The following ACO1 variants were observed in gnomAD, a reference collection of about 807,000 sequenced individuals.
ACO1 encodes aconitase 1, also known as cytoplasmic aconitate hydratase.
A neutral mutation model predicts 105.1 loss-of-function variants in ACO1; 78 were observed. That is an observed-to-expected ratio of 0.74 (90% CI 0.62 to 0.90). The LOEUF is 0.90. Among genes scored for constraint, ACO1 ranks in the 40% least tolerant of loss-of-function variants. The pLI, the probability that ACO1 is intolerant of heterozygous loss-of-function variation, is 0.00. For synonymous variants in ACO1, 364 were observed against 397.4 expected (o/e 0.92, Z 1.00); for missense variants, 965 against 1,111.1 (o/e 0.87, Z 1.87).
chr9:32,424,571 C>T lies in ACO1; in HGVS notation c.1094C>T (p.Thr365Ile). The T allele has an allele frequency of 1.2e-6, 2 of 1,613,286 alleles. No individual in the cohort carries two copies. Among genetic ancestry groups the T allele is most frequent in the African/African-American group, 2.7e-5 (2 of 74,952 alleles). The change falls in exon 10 of 21, where the codon ACA becomes ATA. Residue 365 changes from threonine to isoleucine, a missense_variant. Transcript: ENST00000309951. ...CAGGTTGTGGAATTAGATTTGAAAA[C>T]AGTAGTGCCTTGCTGTAGTGGACCC... ...FTQVVELDLKTVVPCCSGPKR... is the reference protein window; with the variant it reads ...FTQVVELDLKIVVPCCSGPKR...
Position 32,450,206 on chromosome 9 carries a change from G to A in ACO1, c.*95G>A, listed in dbSNP as rs1822730240. The stretch of plus-strand genomic sequence containing the variant: ...GGCCTCCCTGGCTGCCTCTGGGAGG[G>A]GTGCTGCCTTGTAGATGGAGCAAGT... On this transcript the variant is annotated 3_prime_UTR_variant, in exon 21 of 21. Transcript: ENST00000309951. 1 of 959,820 alleles carries A rather than the reference G, an allele frequency of 1.0e-6. No individual in the cohort carries two copies. The highest frequency in any genetic ancestry group is 1.6e-5 in the African/African-American group (1 of 62,300). The allele number at this position is 959,820 out of a possible 1,614,324, so 59.5% of individuals were successfully genotyped here. A position where few individuals can be genotyped will look rare whatever the true frequency, so the allele number is the denominator to read the frequency against.
chr9:32,450,151 AC>A lies in ACO1; in HGVS notation c.*42del. ...GTGCTGCGCCCAGGGAGGAAGCCGCACCACCAGCCAGCGCAGGCCCTGGTGG... is the reference window on the plus strand; with the variant it reads ...GTGCTGCGCCCAGGGAGGAAGCCGCACACCAGCCAGCGCAGGCCCTGGTGG... On this transcript the variant is annotated 3_prime_UTR_variant, in exon 21 of 21. Transcript: ENST00000309951. 1.3e-6 allele frequency: 2 copies of A among 1,536,764 alleles called. No individual in the cohort carries two copies. The highest frequency in any genetic ancestry group is 1.1e-5 in the South Asian group (1 of 89,414).
rs1822079214 is a variant in ACO1, at chr9:32,425,838, C to G, written c.1189C>G (p.Gln397Glu). The change falls in exon 11 of 21, where the codon CAA becomes GAA. Residue 397 changes from glutamine to glutamate, a missense_variant and splice_region_variant. By Grantham distance (29) the Gln-to-Glu change is conservative. Transcript: ENST00000309951. ...TAATATACATTTTTTCTTCCTTTAG[C>G]AAGGATTTAAAGGATTCCAAGTTGC... ...KDFESCLGAK[Q>E]GFKGFQVAPE... is the part of the protein sequence containing the mutation. The G allele has an allele frequency of 1.9e-6, 3 of 1,605,414 alleles. No homozygotes were observed. Among genetic ancestry groups the G allele is most frequent in the African/African-American group, 2.7e-5 (2 of 74,598 alleles).
At chr9:32,421,647 G>A (rs1056857555) in intron 8 of ACO1, among the ~76,000 whole-genome samples, 4 of 152,276 alleles carry the variant, frequency 2.6e-5, no homozygotes, top group Admixed American at 2.6e-4. Context: ...TCAGGAGTTC[G>A]AGACCAGCCT....
intron 19 of ACO1, among the ~76,000 whole-genome samples, chr9:32,442,002 A>AAAAC (rs1430639135): frequency 1.3e-5 from 2 of 152,116 alleles, no homozygotes; most frequent in Non-Finnish European, 2.9e-5. Context: ...ATCTATCCCT[A>AAAAC]AAACCCTAGA....
chr9:32,446,379 G>A (rs994153523), intron 19 of ACO1, among the ~76,000 whole-genome samples: 12 of 152,044 alleles, frequency 7.9e-5, no homozygotes, highest in Admixed American at 5.2e-4. Context: ...TTGGTTTAAA[G>A]TCTGTTTTAT....
At chr9:32,405,736 A>G in intron 2 of ACO1, 133 bp downstream of exon 2, 1 of 646,162 alleles carries the variant, frequency 1.5e-6, no homozygotes, top group Non-Finnish European at 2.7e-6. Context: ...TAAGTGCACA[A>G]GCACTCACAT....
chr9:32,408,151 A>G (rs933594528), intron 3 of ACO1, among the ~76,000 whole-genome samples: 5 of 152,210 alleles, frequency 3.3e-5, no homozygotes, highest in Non-Finnish European at 5.9e-5. Flanking sequence ...TGTGATCTGA[A>G]AGTCTTCTCC....
intron 19 of ACO1, among the ~76,000 whole-genome samples, chr9:32,442,677 T>C (rs941881908): frequency 2.0e-5 from 3 of 152,248 alleles, no homozygotes; most frequent in Non-Finnish European, 1.5e-5. Context: ...TTGAACTTTC[T>C]GTGCCTGCTG....
intron 1 of ACO1, among the ~76,000 whole-genome samples, chr9:32,396,015 T>C (rs1470069967): frequency 6.6e-6 from 1 of 152,226 alleles, no homozygotes; most frequent in Non-Finnish European, 1.5e-5. Context: ...TGCTATAGCG[T>C]GGCCCTGGTT....
At chr9:32,419,732 G>A (rs566449602) in intron 7 of ACO1, among the ~76,000 whole-genome samples, 1 of 152,116 alleles carries the variant, frequency 6.6e-6, no homozygotes, top group Non-Finnish European at 1.5e-5. Context: ...TGTATTATAA[G>A]TTACATTATT....
chr9:32,450,945 C>T lies in ACO1; in HGVS notation c.*834C>T, dbSNP rs1161210020. 6.7e-6 allele frequency: 1 copy of T among 150,098 alleles called. No homozygotes were observed. The highest frequency in any genetic ancestry group is 1.5e-5 in the Non-Finnish European group (1 of 67,934). The allele number at this position is 150,098 out of a possible 1,614,324, so 9.3% of individuals were successfully genotyped here. On this transcript the variant is annotated 3_prime_UTR_variant, in exon 21 of 21. Transcript: ENST00000309951. ...GAAGCCTGAATAACCTTCATATTCT[C>T]CCATTTTTACAACTCTATCAGAACT...
intron 4 of ACO1, among the ~76,000 whole-genome samples, chr9:32,415,503 G>T (rs1291319012): frequency 6.6e-6 from 1 of 152,218 alleles, no homozygotes; most frequent in Admixed American, 6.5e-5. Context: ...GATGGTGCCT[G>T]AAGTATTCTT....
chr9:32,448,115 C>A (rs1430664675), intron 19 of ACO1, among the ~76,000 whole-genome samples: 2 of 152,170 alleles, frequency 1.3e-5, no homozygotes, highest in Non-Finnish European at 2.9e-5. Context: ...CAAGCAGGGA[C>A]ATTTAAGTGT....
intron 1 of ACO1, among the ~76,000 whole-genome samples, chr9:32,398,875 A>AT (rs1821429614): frequency 1.3e-5 from 2 of 152,300 alleles, no homozygotes; most frequent in Middle Eastern, 3.4e-3. Flanking sequence ...GATTACAGGC[A>AT]TGAGCCACTG....
At chr9:32,401,307 A>G (rs773283319) in intron 1 of ACO1, among the ~76,000 whole-genome samples, 11 of 151,888 alleles carry the variant, frequency 7.2e-5, no homozygotes, top group South Asian at 2.1e-4. Context: ...ACTTTTTTCA[A>G]CTCTACCTGT....
Position 32,419,051 on chromosome 9 carries a change from T to C in ACO1, c.672T>C (p.Ile224=), listed in dbSNP as rs1423400031. The C allele has an allele frequency of 1.9e-6, 3 of 1,604,476 alleles. No homozygotes were observed. The highest frequency in any genetic ancestry group is 2.6e-6 in the Non-Finnish European group (3 of 1,174,826). ...LGILGWGVGG[I]EAEAVMLGQP... Reference sequence around the variant, plus strand: ...CGTTCATTGCAGGTGTCGGTGGTATTGAAGCAGAAGCTGTCATGCTGGGTC... The same window carrying C: ...CGTTCATTGCAGGTGTCGGTGGTATCGAAGCAGAAGCTGTCATGCTGGGTC... The change falls in exon 7 of 21, where the codon ATT becomes ATC. Residue 224 remains isoleucine, a synonymous_variant. Transcript: ENST00000309951.
At chr9:32,448,520 T>C (rs1822674114) in intron 19 of ACO1, among the ~76,000 whole-genome samples, 3 of 152,208 alleles carry the variant, frequency 2.0e-5, no homozygotes, top group Non-Finnish European at 4.4e-5. Flanking sequence ...CTGCTGGTTG[T>C]GAAGGCCATG....
At position 32,444,517 on chromosome 9, in the gene ACO1, C is replaced by A. The variant is rs973536317; in HGVS notation, c.2370+3930C>A. 6.6e-5 allele frequency among the ~76,000 whole-genome samples: 10 copies of A among 152,322 alleles called. 1 individual carries two copies. Among genetic ancestry groups the A allele is most frequent in the Admixed American group, 5.9e-4 (9 of 15,294 alleles). ...CCCTGACTTTTTAATGATCGCCATT[C>A]TAACTGGTGTGAGATGGTATCTCAT... On this transcript the variant is annotated intron_variant, in intron 19 of 20. Coordinates refer to ENST00000309951, the MANE Select transcript of ACO1 (RefSeq NM_002197.3).
Sources: allele counts gnomAD v4.1 joint callset (sites outside exome capture counted in the v4.1 genomes callset), GRCh38; gene constraint gnomAD v4.1.1; transcripts MANE v1.5; gene names NCBI Gene and HGNC (gene_info 2026-07-23, HGNC 2026-07-21).